Variants in SH3BP2 observed in about 807,000 individuals in gnomAD.
SH3BP2 encodes SH3 domain-binding protein 2.
In SH3BP2, 38 loss-of-function variants were observed where a neutral mutation model predicts 56.2. That is an observed-to-expected ratio of 0.68 (90% CI 0.52 to 0.89). The LOEUF is 0.89. Among genes scored for constraint, SH3BP2 ranks in the 40% least tolerant of loss-of-function variants. SH3BP2 has a pLI of 0.00. For missense variants in SH3BP2, 748 were observed against 762.6 expected (o/e 0.98, Z 0.23); for synonymous variants, 346 against 316.7 (o/e 1.09, Z -0.98).
rs2108747928 is a variant in SH3BP2 at position 2,839,466 on chromosome 4, T to C, written c.*5632T>C. ...TATAGGCGTGAGCTACCAGATTTTT[T>C]CTTATTAATCTAATAATTCTTTGTA... On this transcript the variant is annotated 3_prime_UTR_variant, in exon 13 of 13. Transcript: ENST00000503393. 6.6e-6 allele frequency: 1 copy of C among 152,298 alleles called. No homozygotes were observed. Among genetic ancestry groups the C allele is most frequent in the East Asian group, 1.9e-4 (1 of 5,184 alleles). 9.4% of individuals were successfully genotyped at this position (152,298 alleles called of 1,614,324 possible).
At chr4:2,812,736 C>T (rs1192267352) in intron 1 of SH3BP2, among the ~76,000 whole-genome samples, 10 of 152,180 alleles carry the variant, frequency 6.6e-5, no homozygotes, top group South Asian at 2.1e-4. Flanking sequence ...CCCCCACCCC[C>T]CCATCACATG....
intron 5 of SH3BP2, 110 bp downstream of exon 5, chr4:2,825,306 A>G: frequency 2.2e-6 from 2 of 919,310 alleles, no homozygotes; most frequent in Non-Finnish European, 3.5e-6. Context: ...CCGTCCTTAA[A>G]GGTTTCCTGG....
rs370841137 is a variant in SH3BP2, at chr4:2,837,667, G to A, written c.*3833G>A. Reference sequence around the variant, plus strand: ...GGGAGGGCCGTGCTTGTCTCTAGACGAGGGGAATGGGGGAAGGGCCACAAC... The same window carrying A: ...GGGAGGGCCGTGCTTGTCTCTAGACAAGGGGAATGGGGGAAGGGCCACAAC... On this transcript the variant is annotated 3_prime_UTR_variant, in exon 13 of 13. Coordinates refer to ENST00000503393, the MANE Select transcript of SH3BP2 (RefSeq NM_001122681.2). 2.6e-5 allele frequency: 4 copies of A among 152,388 alleles called. No individual in the cohort carries two copies. The highest frequency in any genetic ancestry group is 6.5e-5 in the Admixed American group (1 of 15,270). 9.4% of individuals were successfully genotyped at this position (152,388 alleles called of 1,614,324 possible).
Position 2,829,833 on chromosome 4 carries a change from C to A in SH3BP2, c.927C>A (p.Thr309=). The stretch of plus-strand genomic sequence containing the variant: ...CCAGCCCCAGCCCGGAGCCCTGGAC[C>A]CCTGGCCACGGGGCCTGCTCCACTT... ...ESASPSPEPW[T]PGHGACSTSS... Residue 309 remains threonine (T), a synonymous_variant, in exon 8 of 13, where the codon ACC becomes ACA. Coordinates refer to ENST00000503393, the MANE Select transcript of SH3BP2 (RefSeq NM_001122681.2). The surrounding 1 kb of genome is among the most constrained non-coding windows in gnomAD (Gnocchi z 4.9). 6.2e-7 allele frequency: 1 copy of A among 1,613,558 alleles called. No homozygotes were observed. Among genetic ancestry groups the A allele is most frequent in the East Asian group, 2.2e-5 (1 of 44,878 alleles).
intron 1 of SH3BP2, chr4:2,794,333 G>C (rs1722991989): frequency 6.6e-6 from 1 of 152,270 alleles, no homozygotes; most frequent in Non-Finnish European, 1.5e-5. Context: ...TGTGGGACCA[G>C]AGGAGGGGCT....
chr4:2,799,330 A>C, intron 1 of SH3BP2: 1 of 983,990 alleles, frequency 1.0e-6, no homozygotes, highest in Non-Finnish European at 1.2e-6. Context: ...TGGGTGTGTA[A>C]AGTGGAGGGA....
In SH3BP2 at chr4:2,831,375, G is replaced by A. The variant is rs574115504; in HGVS notation, c.1242-196G>A. ...CCCTGACCCCTGACTCCGGTGTCGGGCGATTCCTGCTGTCCCAGGGCAGTC... is the reference window on the plus strand; with the variant it reads ...CCCTGACCCCTGACTCCGGTGTCGGACGATTCCTGCTGTCCCAGGGCAGTC... On this transcript the variant is annotated intron_variant, in intron 8 of 12. Transcript: ENST00000503393. This position sits in a 1 kb window ranked among gnomAD's most constrained non-coding sequence, Gnocchi z 4.1. 6.6e-6 allele frequency among the ~76,000 whole-genome samples: 1 copy of A among 152,178 alleles called. No homozygotes were observed. The highest frequency in any genetic ancestry group is 1.5e-5 in the Non-Finnish European group (1 of 68,022).
intron 3 of SH3BP2, 64 bp downstream of exon 3, chr4:2,823,101 C>G: frequency 3.4e-6 from 4 of 1,193,942 alleles, no homozygotes; most frequent in Non-Finnish European, 5.0e-6. Flanking sequence ...CCCAGCAGAG[C>G]CCCAGCTGGG....
intron 1 of SH3BP2, among the ~76,000 whole-genome samples, chr4:2,805,683 G>T (rs954701703): frequency 6.6e-6 from 1 of 152,206 alleles, no homozygotes; most frequent in Non-Finnish European, 1.5e-5. Context: ...GGGGGGTGCC[G>T]GGTGGGGGCT....
Position 2,839,658 on chromosome 4 carries a change from C to G in SH3BP2, c.*5824C>G, listed in dbSNP as rs578227141. Reference sequence around the variant, plus strand: ...ATCTTGGCTTATTGCAGCCTCAATTCCTAGGCTTAAACAGTCCTCCCACCT... The same window carrying G: ...ATCTTGGCTTATTGCAGCCTCAATTGCTAGGCTTAAACAGTCCTCCCACCT... On this transcript the variant is annotated 3_prime_UTR_variant, in exon 13 of 13. Coordinates refer to ENST00000503393, the MANE Select transcript of SH3BP2 (RefSeq NM_001122681.2). 25 of 151,828 alleles carry G rather than the reference C, an allele frequency of 1.6e-4. 1 individual carries two copies. The highest frequency in any genetic ancestry group is 6.0e-4 in the African/African-American group (25 of 41,386). The allele number at this position is 151,828 out of a possible 1,614,324, so 9.4% of individuals were successfully genotyped here.
At chr4:2,802,372 C>T (rs1723315842) in intron 1 of SH3BP2, among the ~76,000 whole-genome samples, 1 of 150,470 alleles carries the variant, frequency 6.6e-6, no homozygotes, top group African/African-American at 2.4e-5. Context: ...CTAGCCTGGG[C>T]ACCAAAGTGA....
rs1226519008 is a variant in SH3BP2, at chr4:2,841,083, C to G, written c.*7249C>G. ...TATTTAATGTAATTAAATCTACCAT[C>G]TTATTTTATGCTACATATTGTCTCA... On this transcript the variant is annotated 3_prime_UTR_variant, in exon 13 of 13. Coordinates refer to ENST00000503393, the MANE Select transcript of SH3BP2 (RefSeq NM_001122681.2). The G allele has an allele frequency of 4.6e-5, 7 of 151,972 alleles. No homozygotes were observed. The East Asian group carries it at 1.3e-3, about 29-fold the overall frequency. The allele number at this position is 151,972 out of a possible 1,614,324, so 9.4% of individuals were successfully genotyped here. A position where few individuals can be genotyped will look rare whatever the true frequency, so the allele number is the denominator to read the frequency against.
chr4:2,802,502 ATGTT>A (rs1211830865), intron 1 of SH3BP2, among the ~76,000 whole-genome samples: 38 of 144,402 alleles, frequency 2.6e-4, no homozygotes, highest in Admixed American at 7.3e-5. Flanking sequence ...ATGTATATAT[ATGTT>A]TGTATATATG....
intron 1 of SH3BP2, among the ~76,000 whole-genome samples, chr4:2,795,612 C>T (rs1001790660): frequency 4.6e-5 from 7 of 152,176 alleles, no homozygotes; most frequent in African/African-American, 4.8e-5. Context: ...CTACCCCAGA[C>T]GCAGTGGAGC....
In SH3BP2 at chr4:2,825,106, A is replaced by G; in HGVS notation, c.358-20A>G. On this transcript the variant is annotated intron_variant, in intron 4 of 12. Coordinates refer to ENST00000503393, the MANE Select transcript of SH3BP2 (RefSeq NM_001122681.2). ...CCACCCTGGTGGCACCGTGCCCACC[A>G]CAGCCCCGCTGACCTGCAGAGCTGG... 6.4e-7 allele frequency: 1 copy of G among 1,559,174 alleles called. No homozygotes were observed. Among genetic ancestry groups the G allele is most frequent in the Non-Finnish European group, 8.7e-7 (1 of 1,151,092 alleles).
chr4:2,824,862 G>T, intron 4 of SH3BP2, 132 bp downstream of exon 4: 5 of 761,654 alleles, frequency 6.6e-6, no homozygotes, highest in South Asian at 6.2e-5. Flanking sequence ...AGAAGGTGTG[G>T]CTGGGACACA....
intron 1 of SH3BP2, among the ~76,000 whole-genome samples, chr4:2,808,264 GCCTCTTTTCCAT>G (rs1723616077): frequency 6.6e-6 from 1 of 152,112 alleles, no homozygotes; most frequent in Admixed American, 6.5e-5. Flanking sequence ...CATCCCTCCA[GCCTCTTTTCCAT>G]CCTTACATGG....
chr4:2,823,966 G>A (rs755462055), intron 3 of SH3BP2, among the ~76,000 whole-genome samples: 1 of 152,234 alleles, frequency 6.6e-6, no homozygotes, highest in Non-Finnish European at 1.5e-5. Flanking sequence ...AGCGCCTTCC[G>A]GCCTCCAGCA....
intron 1 of SH3BP2, chr4:2,818,143 C>A: frequency 1.2e-6 from 1 of 857,726 alleles, no homozygotes; most frequent in Non-Finnish European, 1.4e-6. Flanking sequence ...CCGGGAGGGG[C>A]GCGCCGGGAT....
Sources: gnomAD v4.1 joint callset for allele counts (sites outside exome capture counted in the v4.1 genomes callset) on GRCh38, gnomAD v4.1.1 for gene constraint, Gnocchi (gnomAD v3.1) non-coding constraint, MANE v1.5 for transcripts, NCBI Gene and HGNC (gene_info 2026-07-23, HGNC 2026-07-21) for gene names.